The following BICC1 variants were observed in gnomAD, a reference collection of about 807,000 sequenced individuals.
BICC1 encodes the protein protein bicaudal C homolog 1.
A neutral mutation model predicts 111.0 loss-of-function variants in BICC1; 43 were observed. The ratio of observed to expected loss-of-function variants is 0.39; its 90% CI spans 0.30 to 0.50. The LOEUF is 0.50. Among genes scored for constraint, BICC1 ranks in the 20% least tolerant of loss-of-function variants. The pLI, the probability that BICC1 is intolerant of heterozygous loss-of-function variation, is 0.88. For missense variants in BICC1, 1,091 were observed against 1,203.2 expected, an observed-to-expected ratio of 0.91 and a Z score of 1.38; for synonymous variants, 467 against 434.4, an observed-to-expected ratio of 1.07 and a Z score of -0.93.
chr10:58,657,031 C>T (rs542872104), intron 2 of BICC1, among the ~76,000 whole-genome samples: 2 of 152,088 alleles, frequency 1.3e-5, no homozygotes, highest in African/African-American at 2.4e-5. Flanking sequence ...CGCTAGCCTC[C>T]CTCCAGCCCC....
At chr10:58,728,480 G>A (rs972249269) in intron 3 of BICC1, among the ~76,000 whole-genome samples, 7 of 151,986 alleles carry the variant, frequency 4.6e-5, no homozygotes, top group Admixed American at 1.3e-4. Context: ...CACCACCACT[G>A]CAGCTACTCT....
intron 2 of BICC1, among the ~76,000 whole-genome samples, chr10:58,686,477 T>A (rs1210937766): frequency 6.6e-6 from 1 of 152,200 alleles, no homozygotes; most frequent in Non-Finnish European, 1.5e-5. Context: ...TTTGGTTCCA[T>A]TCTCCCCATC....
At position 58,787,022 on chromosome 10, in the gene BICC1, G is replaced by A. The variant is rs527481254; in HGVS notation, c.487G>A (p.Gly163Arg). ...NNIKKVMEET[G>R]CHIHFPDSNR... ...TATTAAAAAAGTGATGGAAGAAACC[G>A]GATGCCATATCCACTTTCCAGATTC... The change falls in exon 5 of 21, where the codon GGA becomes AGA. Residue 163 changes from glycine to arginine, a missense_variant. Physicochemically the swap from Gly to Arg is moderately radical, Grantham distance 125. Transcript: ENST00000373886. The A allele has an allele frequency of 4.4e-5, 71 of 1,607,092 alleles. No individual in the cohort carries two copies. The highest frequency in any genetic ancestry group is 5.3e-5 in the Non-Finnish European group (62 of 1,177,182).
At chr10:58,745,081 A>G (rs1224682057) in intron 3 of BICC1, among the ~76,000 whole-genome samples, 2 of 152,190 alleles carry the variant, frequency 1.3e-5, no homozygotes, top group African/African-American at 2.4e-5. Flanking sequence ...ATAGTAAATA[A>G]CTTTATTTCC....
At chr10:58,736,659 A>G (rs891499416) in intron 3 of BICC1, among the ~76,000 whole-genome samples, 7 of 152,298 alleles carry the variant, frequency 4.6e-5, no homozygotes, top group Middle Eastern at 3.4e-3. Flanking sequence ...CAAGTAAACA[A>G]ATTTTAAAGT....
At chr10:58,695,382 G>A (rs1840038154) in intron 2 of BICC1, among the ~76,000 whole-genome samples, 2 of 152,086 alleles carry the variant, frequency 1.3e-5, no homozygotes, top group African/African-American at 2.4e-5. Context: ...CCTCCATGAG[G>A]GACAGACCTT....
chr10:58,737,593 T>C (rs1190448287), intron 3 of BICC1, among the ~76,000 whole-genome samples: 1 of 152,242 alleles, frequency 6.6e-6, no homozygotes, highest in African/African-American at 2.4e-5. Flanking sequence ...GCATGATTTA[T>C]ATTCCTTTGG....
At chr10:58,558,789 G>A (rs1843526844) in intron 1 of BICC1, among the ~76,000 whole-genome samples, 1 of 152,032 alleles carries the variant, frequency 6.6e-6, no homozygotes, top group Admixed American at 6.6e-5. Flanking sequence ...TAACAGTATA[G>A]GTGTCTAATG....
intron 17 of BICC1, among the ~76,000 whole-genome samples, chr10:58,808,075 CTT>C (rs112775737): frequency 1.3e-4 from 18 of 142,670 alleles, no homozygotes; most frequent in East Asian, 2.0e-4. Flanking sequence ...AAACATGCTG[CTT>C]TTTTTTTTTT....
intron 3 of BICC1, among the ~76,000 whole-genome samples, chr10:58,750,699 G>C (rs1026472215): frequency 3.0e-4 from 46 of 152,138 alleles, no homozygotes; most frequent in African/African-American, 9.2e-4. Flanking sequence ...AATGGATTGA[G>C]TGGAAGATTT....
intron 17 of BICC1, among the ~76,000 whole-genome samples, chr10:58,808,547 G>GT (rs1843787975): frequency 1.3e-5 from 2 of 152,078 alleles, no homozygotes; most frequent in Admixed American, 1.3e-4. Flanking sequence ...CGGTAATGGA[G>GT]TGGTCAAGTT....
intron 5 of BICC1, 70 bp downstream of exon 5, chr10:58,787,151 TC>T: frequency 1.4e-6 from 2 of 1,388,238 alleles, no homozygotes; most frequent in Middle Eastern, 1.9e-4. Context: ...AGTTTGCCTA[TC>T]TTTTTTTTCT....
At chr10:58,609,983 A>G (rs748827973) in intron 1 of BICC1, among the ~76,000 whole-genome samples, 4 of 152,234 alleles carry the variant, frequency 2.6e-5, no homozygotes, top group Admixed American at 6.5e-5. Flanking sequence ...AAAGCAAGGC[A>G]TTGGACATGA....
At chr10:58,821,189 G>A (rs150017233) in intron 20 of BICC1, among the ~76,000 whole-genome samples, 5 of 152,204 alleles carry the variant, frequency 3.3e-5, no homozygotes, top group East Asian at 1.9e-4. Context: ...AAAAATATGC[G>A]GAAATTTTAA....
chr10:58,565,228 A>G (rs1843719398), intron 1 of BICC1, among the ~76,000 whole-genome samples: 1 of 152,220 alleles, frequency 6.6e-6, no homozygotes, highest in Non-Finnish European at 1.5e-5. Flanking sequence ...TGAAAAACTG[A>G]TATCAATTAG....
At chr10:58,791,240 A>G (rs1474230534) in intron 8 of BICC1, among the ~76,000 whole-genome samples, 4 of 152,082 alleles carry the variant, frequency 2.6e-5, no homozygotes, top group African/African-American at 9.7e-5. Flanking sequence ...CTGCTTTACA[A>G]GTTCTTTAGA....
intron 2 of BICC1, among the ~76,000 whole-genome samples, chr10:58,680,674 C>T (rs376717909): frequency 6.6e-6 from 1 of 152,192 alleles, no homozygotes; most frequent in African/African-American, 2.4e-5. Context: ...GAAAAATCTA[C>T]TTTAAATTTC....
At chr10:58,666,808 A>G (rs779195960) in intron 2 of BICC1, among the ~76,000 whole-genome samples, 3 of 152,166 alleles carry the variant, frequency 2.0e-5, no homozygotes, top group East Asian at 1.9e-4. Context: ...TAGCCATTCA[A>G]TTGCTGATAT....
In BICC1 at chr10:58,702,126, G is replaced by C. The variant is rs778088968; in HGVS notation, c.290G>C (p.Gly97Ala). ...GCTTGGCCATCAAAACTGAAGATCGGAGCCAAATCCAAGAAAGGTAAATTG... is the reference window on the plus strand; with the variant it reads ...GCTTGGCCATCAAAACTGAAGATCGCAGCCAAATCCAAGAAAGGTAAATTG... ...QIAWPSKLKI[G>A]AKSKKDPHIK... is the part of the protein sequence containing the mutation. The change falls in exon 3 of 21, where the codon GGA becomes GCA. Residue 97 changes from glycine (G) to alanine (A), a missense_variant. This residue lies in a region of BICC1 where 843 missense variants were observed against 900.8 expected (regional missense o/e 0.94). Transcript: ENST00000373886. The C allele has an allele frequency of 6.2e-7, 1 of 1,612,942 alleles. No individual in the cohort carries two copies. The highest frequency in any genetic ancestry group is 8.5e-7 in the Non-Finnish European group (1 of 1,179,370).
Sources: gnomAD v4.1 joint callset for allele counts (sites outside exome capture counted in the v4.1 genomes callset) on GRCh38, gnomAD v4.1.1 for gene constraint, gnomAD v4.1.1 regional missense constraint, MANE v1.5 for transcripts, NCBI Gene and HGNC (gene_info 2026-07-23, HGNC 2026-07-21) for gene names.